Variants in SLC35F2 observed in about 807,000 individuals in gnomAD.
SLC35F2 encodes solute carrier family 35 member F2.
Under a neutral mutation model 38.1 loss-of-function variants are expected in SLC35F2, and 25 were observed. The ratio of observed to expected loss-of-function variants is 0.66; its 90% CI spans 0.48 to 0.92. SLC35F2 has a LOEUF of 0.92. Ranked by LOEUF, SLC35F2 falls within the 40% of genes least tolerant of loss-of-function variation. The probability of loss-of-function intolerance (pLI) is 0.00; values close to 1 mark genes in which losing one functional copy is unlikely to be tolerated. For missense variants in SLC35F2, 409 were observed against 452.9 expected, an observed-to-expected ratio of 0.90 and a Z score of 0.88; for synonymous variants, 173 against 181.7, an observed-to-expected ratio of 0.95 and a Z score of 0.38.
At chr11:107,834,288 T>C (rs928759652) in intron 1 of SLC35F2, among the ~76,000 whole-genome samples, 1 of 152,226 alleles carries the variant, frequency 6.6e-6, no homozygotes, top group Middle Eastern at 3.4e-3. Context: ...AGTAGCGAGT[T>C]AGAGTAAAAA....
chr11:107,820,724 G>T (rs1260425288), intron 1 of SLC35F2, among the ~76,000 whole-genome samples: 5 of 152,196 alleles, frequency 3.3e-5, no homozygotes, highest in Non-Finnish European at 7.3e-5. Flanking sequence ...GCAAGGCTGA[G>T]GCGGGCGGAT....
At chr11:107,841,064 T>A (rs1860006504) in intron 1 of SLC35F2, among the ~76,000 whole-genome samples, 1 of 152,100 alleles carries the variant, frequency 6.6e-6, no homozygotes, top group Admixed American at 6.6e-5. Flanking sequence ...TCCAGACAAC[T>A]CTGAATAGGC....
Position 107,853,997 on chromosome 11 carries a change from G to C in SLC35F2, c.110+4661C>G, listed in dbSNP as rs548130546. 2.6e-5 allele frequency among the ~76,000 whole-genome samples: 4 copies of C among 152,156 alleles called. No homozygotes were observed. In the East Asian group the frequency reaches 5.8e-4, roughly 22 times the overall value. On this transcript the variant is annotated intron_variant, in intron 1 of 7. Transcript: ENST00000525815. ...TTTAGGAGGCCAAGATGGGAGGATT[G>C]CTTGAGCCCAGGAGTTCAAGATCAG... is the stretch of plus-strand genomic sequence containing the variant.
intron 1 of SLC35F2, among the ~76,000 whole-genome samples, chr11:107,823,472 C>T (rs1859706689): frequency 6.6e-6 from 1 of 151,992 alleles, no homozygotes; most frequent in Admixed American, 6.6e-5. Context: ...CTGTAAATAC[C>T]TGGTAAAGAA....
intron 1 of SLC35F2, among the ~76,000 whole-genome samples, chr11:107,830,583 CAA>C (rs66495434): frequency 6.3e-5 from 6 of 95,712 alleles, no homozygotes; most frequent in Admixed American, 2.6e-4. Context: ...GACTCAGTCT[CAA>C]AAAAAAAAAA....
chr11:107,810,369 C>T (rs2134783815), intron 3 of SLC35F2: 1 of 984,826 alleles, frequency 1.0e-6, no homozygotes, highest in African/African-American at 1.7e-5. Flanking sequence ...GTGTTTAGGC[C>T]TTGCACCAAT....
chr11:107,843,855 AAAAAAAAAAAAAAATATATATATATAT>A (rs1465534124), intron 1 of SLC35F2, among the ~76,000 whole-genome samples: 25 of 37,156 alleles, frequency 6.7e-4, no homozygotes, highest in African/African-American at 1.7e-3. Context: ...TTAAAAAAAA[AAAAAAAAAAAAAAATATATATATATAT>A]ATATATATAT....
chr11:107,830,047 A>G (rs1298690296), intron 1 of SLC35F2, among the ~76,000 whole-genome samples: 1 of 152,054 alleles, frequency 6.6e-6, no homozygotes, highest in Admixed American at 6.6e-5. Context: ...GGATCACCTA[A>G]GGCCACAAGT....
chr11:107,841,078 A>G (rs952369169), intron 1 of SLC35F2, among the ~76,000 whole-genome samples: 3 of 152,202 alleles, frequency 2.0e-5, no homozygotes, highest in Non-Finnish European at 2.9e-5. Flanking sequence ...AATAGGCTCA[A>G]AAACTTTTCA....
At chr11:107,795,849 T>C (rs1859208816) in intron 7 of SLC35F2, among the ~76,000 whole-genome samples, 1 of 152,162 alleles carries the variant, frequency 6.6e-6, no homozygotes, top group Non-Finnish European at 1.5e-5. Context: ...AAAGGAACTC[T>C]TAGGCCAGGT....
chr11:107,842,257 C>CAA (rs541185009), intron 1 of SLC35F2, among the ~76,000 whole-genome samples: 448 of 37,876 alleles, frequency 0.012, 117 homozygotes, highest in African/African-American at 0.052. Flanking sequence ...CTCCGTCTCA[C>CAA]AAAAAAAAAA....
At chr11:107,843,816 G>C (rs1481893616) in intron 1 of SLC35F2, among the ~76,000 whole-genome samples, 3 of 131,516 alleles carry the variant, frequency 2.3e-5, no homozygotes, top group Non-Finnish European at 4.6e-5. Flanking sequence ...TGGCACTCTA[G>C]CCTGGGTGAC....
chr11:107,825,678 C>T (rs1565435285), intron 1 of SLC35F2, among the ~76,000 whole-genome samples: 1 of 152,034 alleles, frequency 6.6e-6, no homozygotes, highest in Non-Finnish European at 1.5e-5. Context: ...CCTGAGATTC[C>T]GCATTCCTAA....
chr11:107,828,469 T>G (rs1211741972), intron 1 of SLC35F2, among the ~76,000 whole-genome samples: 1 of 152,078 alleles, frequency 6.6e-6, no homozygotes, highest in Non-Finnish European at 1.5e-5. Context: ...ACTAAAAATT[T>G]TTTTTAACTT....
intron 1 of SLC35F2, among the ~76,000 whole-genome samples, chr11:107,856,321 G>C (rs958265980): frequency 6.6e-6 from 1 of 152,180 alleles, no homozygotes; most frequent in African/African-American, 2.4e-5. Flanking sequence ...GCCAGGCTCT[G>C]TCTGCCCTTT....
chr11:107,855,236 G>A (rs1860257683), intron 1 of SLC35F2, among the ~76,000 whole-genome samples: 1 of 152,170 alleles, frequency 6.6e-6, no homozygotes, highest in African/African-American at 2.4e-5. Context: ...AGGGAGGGAG[G>A]CAGAATGGAA....
intron 6 of SLC35F2, chr11:107,803,525 A>G: frequency 1.0e-6 from 1 of 983,860 alleles, no homozygotes; most frequent in Non-Finnish European, 1.2e-6. Flanking sequence ...GTCAAGAAAA[A>G]TCACTCATTA....
At chr11:107,837,227 C>T (rs936306712) in intron 1 of SLC35F2, among the ~76,000 whole-genome samples, 4 of 152,188 alleles carry the variant, frequency 2.6e-5, no homozygotes, top group Admixed American at 2.6e-4. Flanking sequence ...CACTGATGAG[C>T]TCTTACGTAT....
intron 7 of SLC35F2, among the ~76,000 whole-genome samples, chr11:107,797,297 A>T (rs1332182356): frequency 2.0e-5 from 3 of 152,160 alleles, no homozygotes; most frequent in Non-Finnish European, 4.4e-5. Flanking sequence ...AAAAAACAGT[A>T]AGAAAACAGA....
Sources: gnomAD v4.1 joint callset for allele counts (sites outside exome capture counted in the v4.1 genomes callset) on GRCh38, gnomAD v4.1.1 for gene constraint, MANE v1.5 for transcripts, NCBI Gene and HGNC (gene_info 2026-07-23, HGNC 2026-07-21) for gene names.